ERAP1: variants seen among roughly 807,000 people sequenced by gnomAD.
The protein encoded by ERAP1 is endoplasmic reticulum aminopeptidase 1, also known as adipocyte-derived leucine aminopeptidase.
Under a neutral mutation model 103.7 loss-of-function variants are expected in ERAP1, and 86 were observed. The observed-to-expected ratio is 0.83, with a 90% CI of 0.70 to 0.99. ERAP1 has a LOEUF of 0.99. ERAP1 is among the 50% of genes least tolerant of loss of function. The probability of loss-of-function intolerance (pLI) is 0.00; values close to 1 mark genes in which losing one functional copy is unlikely to be tolerated. For missense variants in ERAP1, 1,009 were observed against 1,128.4 expected (o/e 0.89, Z 1.52); for synonymous variants, 398 against 402.4 (o/e 0.99, Z 0.13).
chr5:96,771,805 C>T (rs1772470080), downstream of ERAP1: 5 of 687,626 alleles, frequency 7.3e-6, no homozygotes, highest in Non-Finnish European at 1.3e-5. Flanking sequence ...AATTCATGCT[C>T]ACTTTACAGT....
the ERAP1 span, among the ~76,000 whole-genome samples, chr5:96,849,515 G>A: frequency 5.3e-5 from 8 of 151,876 alleles, no homozygotes; most frequent in African/African-American, 1.5e-4. Context: ...TCCCCTTTAC[G>A]ATAGCATAAA....
chr5:96,825,999 T>A, the ERAP1 span, among the ~76,000 whole-genome samples: 3 of 152,230 alleles, frequency 2.0e-5, no homozygotes, highest in African/African-American at 4.8e-5. Context: ...CTCAGTAACA[T>A]CAGTTCAGTT....
chr5:96,909,590 T>C, the ERAP1 span: 2 of 1,613,798 alleles, frequency 1.2e-6, no homozygotes, highest in African/African-American at 2.7e-5. Flanking sequence ...CGTTACCTTC[T>C]TCAGTATTTT....
the ERAP1 span, among the ~76,000 whole-genome samples, chr5:96,916,344 C>T: frequency 6.6e-6 from 1 of 151,478 alleles, no homozygotes; most frequent in Non-Finnish European, 1.5e-5. Flanking sequence ...GAGGTGAGCC[C>T]TTTTGTATTA....
intron 3 of ERAP1, among the ~76,000 whole-genome samples, chr5:96,799,538 G>T (rs371302744): frequency 6.6e-6 from 1 of 151,976 alleles, no homozygotes; most frequent in Non-Finnish European, 1.5e-5. Context: ...CGCTTCCAAA[G>T]CTCCAGGCCT....
At chr5:96,931,482 A>G in the ERAP1 span, among the ~76,000 whole-genome samples, 1 of 152,112 alleles carries the variant, frequency 6.6e-6, no homozygotes, top group Non-Finnish European at 1.5e-5. Context: ...TTTAAGTAAA[A>G]GGCATGGTTT....
chr5:96,770,883 A>T (rs1772062045), downstream of ERAP1, among the ~76,000 whole-genome samples: 2 of 152,102 alleles, frequency 1.3e-5, no homozygotes, highest in African/African-American at 2.4e-5. Context: ...CCACCATAGT[A>T]TGTGGTTTAT....
chr5:96,786,117 A>C (rs1403741504), intron 12 of ERAP1, 146 bp from the exon 13 acceptor site: 4 of 742,648 alleles, frequency 5.4e-6, no homozygotes, highest in Non-Finnish European at 9.1e-6. Context: ...AAACCAGAAA[A>C]CAGCAACTCA....
upstream of ERAP1, among the ~76,000 whole-genome samples, chr5:96,809,342 T>C (rs537725597): frequency 1.8e-4 from 28 of 152,038 alleles, no homozygotes; most frequent in African/African-American, 5.5e-4. Flanking sequence ...CAAGATGGAG[T>C]TGCTCTGGTT....
chr5:96,896,847 G>A, the ERAP1 span: 1 of 1,100,502 alleles, frequency 9.1e-7, no homozygotes, highest in Non-Finnish European at 1.2e-6. Flanking sequence ...GATGACTTGT[G>A]GAGCAGTCTG....
intron 18 of ERAP1, among the ~76,000 whole-genome samples, chr5:96,778,627 T>C (rs2150888219): frequency 6.6e-6 from 1 of 152,312 alleles, no homozygotes; most frequent in East Asian, 1.9e-4. Context: ...ATTTGGAATT[T>C]ACTGCAAGAA....
chr5:96,861,199 C>T, the ERAP1 span, among the ~76,000 whole-genome samples: 2 of 152,186 alleles, frequency 1.3e-5, no homozygotes, highest in Non-Finnish European at 1.5e-5. Context: ...GGGCTTGTGC[C>T]TCTGATCTGC....
At chr5:96,848,620 C>T in the ERAP1 span, 2 of 152,062 alleles carry the variant, frequency 1.3e-5, no homozygotes, top group Non-Finnish European at 2.9e-5. Flanking sequence ...TAGTGAGTTA[C>T]AATATTAAAT....
At chr5:96,820,085 T>C in the ERAP1 span, among the ~76,000 whole-genome samples, 5 of 152,292 alleles carry the variant, frequency 3.3e-5, no homozygotes, top group Admixed American at 6.5e-5. Context: ...GCATATTCAC[T>C]TTCTCAAGTG....
At chr5:96,765,291 C>A in intron 19 of ERAP1, 3 of 1,557,252 alleles carry the variant, frequency 1.9e-6, no homozygotes, top group African/African-American at 1.4e-5. Context: ...CAGCCTGACC[C>A]AGATGAGAAC....
Position 96,800,888 on chromosome 5 carries a change from G to A in ERAP1, c.637C>T (p.His213Tyr), listed in dbSNP as rs776638944. The change falls in exon 3 of 19, where the codon CAC becomes TAC. Residue 213 changes from histidine (H) to tyrosine (Y), a missense_variant. This residue lies in a region of ERAP1 where 392 missense variants were observed against 455.2 expected (regional missense o/e 0.86). Transcript: ENST00000443439. ...AATGGCATATTGGAGATGGCTAGGT[G>A]CCTTGGCTCTCTTCTAATTTTGATT... is the stretch of plus-strand genomic sequence containing the variant. ...FSIKIRREPR[H>Y]LAISNMPLVK... 2 of 1,614,166 alleles carry A rather than the reference G, an allele frequency of 1.2e-6. No individual in the cohort carries two copies. Among genetic ancestry groups the A allele is most frequent in the South Asian group, 1.1e-5 (1 of 91,086 alleles).
chr5:96,885,009 A>T, the ERAP1 span, among the ~76,000 whole-genome samples: 2 of 152,004 alleles, frequency 1.3e-5, no homozygotes, highest in Non-Finnish European at 1.5e-5. Flanking sequence ...TACCCCATAC[A>T]CGTCTATTTA....
the ERAP1 span, chr5:96,823,254 C>G: frequency 2.5e-6 from 1 of 400,856 alleles, no homozygotes; most frequent in Non-Finnish European, 5.0e-6. Context: ...TGGCAGATGC[C>G]ACCTGCAGTC....
chr5:96,827,405 T>C, the ERAP1 span, among the ~76,000 whole-genome samples: 2 of 152,242 alleles, frequency 1.3e-5, no homozygotes, highest in Non-Finnish European at 2.9e-5. Flanking sequence ...CTCACGCCTA[T>C]AATCCCAGCA....
Sources: gnomAD v4.1 joint callset for allele counts (sites outside exome capture counted in the v4.1 genomes callset) on GRCh38, gnomAD v4.1.1 for gene constraint, gnomAD v4.1.1 regional missense constraint, MANE v1.5 for transcripts, NCBI Gene and HGNC (gene_info 2026-07-23, HGNC 2026-07-21) for gene names.